LRP1B: variants seen among roughly 807,000 people sequenced by gnomAD.
LRP1B encodes the protein low-density lipoprotein receptor-related protein 1B.
A neutral mutation model predicts 556.6 loss-of-function variants in LRP1B; 217 were observed. The ratio of observed to expected loss-of-function variants is 0.39; its 90% CI spans 0.35 to 0.44. The LOEUF (loss-of-function observed/expected upper bound fraction) is 0.44, where lower values mean the gene tolerates loss of function less well. LRP1B is among the 20% of genes least tolerant of loss of function. LRP1B has a pLI of 1.00. For synonymous variants in LRP1B, 2,047 were observed against 1,865.8 expected, an observed-to-expected ratio of 1.10 and a Z score of -2.50; for missense variants, 5,053 against 5,620.8, an observed-to-expected ratio of 0.90 and a Z score of 3.23.
chr2:141,329,655 A>AAAACAAAAC (rs769816988), intron 3 of LRP1B, among the ~76,000 whole-genome samples: 12 of 138,126 alleles, frequency 8.7e-5, no homozygotes, highest in African/African-American at 2.8e-4. Flanking sequence ...AAAAAAAAAA[A>AAAACAAAAC]AAAAAAAAAA....
intron 2 of LRP1B, among the ~76,000 whole-genome samples, chr2:141,743,508 T>C (rs866681539): frequency 4.1e-5 from 5 of 120,992 alleles, no homozygotes; most frequent in African/African-American, 6.0e-5. Flanking sequence ...TTTCTTTTTT[T>C]TTTTTTTTTG....
intron 2 of LRP1B, among the ~76,000 whole-genome samples, chr2:141,760,022 G>A (rs972662913): frequency 6.6e-6 from 1 of 152,086 alleles, no homozygotes; most frequent in African/African-American, 2.4e-5. Context: ...CCAGCTACTC[G>A]GGAGGCTGAG....
chr2:141,776,627 A>G (rs1349098281), intron 2 of LRP1B, among the ~76,000 whole-genome samples: 1 of 152,192 alleles, frequency 6.6e-6, no homozygotes, highest in Non-Finnish European at 1.5e-5. Flanking sequence ...GGCTTCATAA[A>G]AAAGAGCACT....
At chr2:140,769,482 A>T (rs1376774370) in intron 34 of LRP1B, 138 bp from the exon 35 acceptor site, 2 of 825,176 alleles carry the variant, frequency 2.4e-6, no homozygotes, top group Admixed American at 3.4e-5. Context: ...TAAAAAAATT[A>T]TTGTGTACTA....
At chr2:141,062,400 T>G (rs1325197960) in intron 7 of LRP1B, 127 bp from the exon 8 acceptor site, 7 of 617,086 alleles carry the variant, frequency 1.1e-5, no homozygotes, top group Non-Finnish European at 2.0e-5. Context: ...TGGCTTCATA[T>G]AACCATTTCC....
At chr2:141,542,925 A>G (rs1685317363) in intron 2 of LRP1B, among the ~76,000 whole-genome samples, 1 of 152,170 alleles carries the variant, frequency 6.6e-6, no homozygotes, top group Admixed American at 6.6e-5. Flanking sequence ...ATTAAAAAAG[A>G]TTAAGGTAGT....
intron 43 of LRP1B, among the ~76,000 whole-genome samples, chr2:140,588,803 C>CA (rs1229379813): frequency 6.0e-5 from 9 of 150,308 alleles, no homozygotes; most frequent in Middle Eastern, 3.4e-3. Flanking sequence ...CCTAAAAATA[C>CA]AAAAAATCAG....
At chr2:141,793,617 G>T (rs1032120335) in intron 2 of LRP1B, among the ~76,000 whole-genome samples, 6 of 151,770 alleles carry the variant, frequency 4.0e-5, no homozygotes, top group African/African-American at 1.5e-4. Flanking sequence ...TCATTAGAGC[G>T]AATAGCATAT....
intron 2 of LRP1B, among the ~76,000 whole-genome samples, chr2:141,723,187 AT>A (rs1420381331): frequency 6.6e-6 from 1 of 150,544 alleles, no homozygotes; most frequent in Non-Finnish European, 1.5e-5. Flanking sequence ...AAAAGATTTC[AT>A]TATTGTTTTA....
intron 2 of LRP1B, among the ~76,000 whole-genome samples, chr2:141,486,780 T>C (rs534139583): frequency 1.4e-5 from 2 of 142,258 alleles, no homozygotes; most frequent in Non-Finnish European, 3.0e-5. Flanking sequence ...TAAACTTTCC[T>C]TCAAGCAGTA....
intron 1 of LRP1B, among the ~76,000 whole-genome samples, chr2:141,869,630 T>C (rs1698520430): frequency 6.6e-6 from 1 of 152,130 alleles, no homozygotes; most frequent in Admixed American, 6.5e-5. Context: ...CCCAAATGTT[T>C]CCATGCTATG....
intron 1 of LRP1B, among the ~76,000 whole-genome samples, chr2:142,018,820 C>T (rs1328958109): frequency 6.6e-6 from 1 of 151,616 alleles, no homozygotes; most frequent in African/African-American, 2.4e-5. Flanking sequence ...AGATTTGGAG[C>T]TTTCACTAGC....
intron 43 of LRP1B, among the ~76,000 whole-genome samples, chr2:140,556,801 A>G (rs996739542): frequency 1.1e-4 from 17 of 151,966 alleles, no homozygotes; most frequent in East Asian, 3.9e-4. Context: ...ACTGGAGGTT[A>G]TATCTAAAAT....
intron 2 of LRP1B, among the ~76,000 whole-genome samples, chr2:141,687,982 C>A: frequency 6.7e-6 from 1 of 148,244 alleles, no homozygotes; most frequent in Admixed American, 6.8e-5. Flanking sequence ...ATTTTTTAAT[C>A]TTTATTTATT....
intron 2 of LRP1B, among the ~76,000 whole-genome samples, chr2:141,483,331 A>T (rs1333405644): frequency 6.7e-6 from 1 of 150,274 alleles, no homozygotes. Context: ...CATGGTGTAT[A>T]TGTGCCACAT....
At chr2:141,174,510 G>A (rs562396916) in intron 7 of LRP1B, among the ~76,000 whole-genome samples, 6 of 151,936 alleles carry the variant, frequency 3.9e-5, no homozygotes, top group African/African-American at 9.7e-5. Flanking sequence ...CACTTTCCCC[G>A]TTTTTCTCTC....
intron 45 of LRP1B, among the ~76,000 whole-genome samples, chr2:140,539,448 C>A (rs1355140571): frequency 6.6e-6 from 1 of 152,122 alleles, no homozygotes; most frequent in Non-Finnish European, 1.5e-5. Context: ...CAATATCACT[C>A]TACAGTTCCA....
At chr2:141,674,044 A>T (rs1007602835) in intron 2 of LRP1B, among the ~76,000 whole-genome samples, 4 of 152,078 alleles carry the variant, frequency 2.6e-5, no homozygotes, top group African/African-American at 9.6e-5. Context: ...CATTCAAACT[A>T]ACTGCCATAA....
intron 35 of LRP1B, among the ~76,000 whole-genome samples, chr2:140,723,865 C>A (rs1482196312): frequency 6.6e-6 from 1 of 152,154 alleles, no homozygotes; most frequent in Non-Finnish European, 1.5e-5. Context: ...AAAGATGAGT[C>A]TCATTACAAA....
Sources: gnomAD v4.1 joint callset for allele counts (sites outside exome capture counted in the v4.1 genomes callset) on GRCh38, gnomAD v4.1.1 for gene constraint, MANE v1.5 for transcripts, NCBI Gene and HGNC (gene_info 2026-07-23, HGNC 2026-07-21) for gene names.